Variants in DPH6 observed in about 807,000 individuals in gnomAD.
DPH6 encodes the protein diphthine--ammonia ligase.
Under a neutral mutation model 38.2 loss-of-function variants are expected in DPH6, and 33 were observed. The ratio of observed to expected loss-of-function variants is 0.86; its 90% confidence interval spans 0.65 to 1.15. The LOEUF is 1.15. Ranked by LOEUF, DPH6 falls within the 50% of genes most tolerant of loss-of-function variation. The pLI is 0.00. For synonymous variants in DPH6, 108 were observed against 103.0 expected, an observed-to-expected ratio of 1.05 and a Z score of -0.30; for missense variants, 325 against 320.0, an observed-to-expected ratio of 1.02 and a Z score of -0.12.
At chr15:35,484,477 T>A (rs1017807338) in intron 3 of DPH6, among the ~76,000 whole-genome samples, 9 of 152,206 alleles carry the variant, frequency 5.9e-5, no homozygotes, top group African/African-American at 2.2e-4. Context: ...GTCATTTATA[T>A]GGCCGTTGGC....
At chr15:35,385,868 T>A (rs963032774) in intron 6 of DPH6, among the ~76,000 whole-genome samples, 2 of 152,206 alleles carry the variant, frequency 1.3e-5, no homozygotes, top group Admixed American at 6.5e-5. Flanking sequence ...TATTATACTT[T>A]AAGTTTTAGG....
chr15:35,419,268 T>G (rs1201505703), intron 5 of DPH6, among the ~76,000 whole-genome samples: 1 of 152,106 alleles, frequency 6.6e-6, no homozygotes, highest in Non-Finnish European at 1.5e-5. Flanking sequence ...GACAGAATTT[T>G]TATTTAAAAG....
chr15:35,162,364 T>C, the DPH6 span, among the ~76,000 whole-genome samples: 53,365 of 151,806 alleles, frequency 0.35, 10,969 homozygotes, highest in East Asian at 0.62. Context: ...CTCCATCATC[T>C]GGCCACTGTT....
chr15:35,375,141 T>A (rs2052763385), intron 7 of DPH6, among the ~76,000 whole-genome samples: 1 of 151,956 alleles, frequency 6.6e-6, no homozygotes. Flanking sequence ...ACTAATACTA[T>A]CTCAGTAGAA....
intron 3 of DPH6, among the ~76,000 whole-genome samples, chr15:35,464,485 A>G (rs997700691): frequency 1.3e-5 from 2 of 152,222 alleles, no homozygotes; most frequent in Admixed American, 6.5e-5. Context: ...TTCATAGCAG[A>G]TAACAGCTCC....
At chr15:35,275,245 T>C (rs1054759033) in intron 3 of DPH6, among the ~76,000 whole-genome samples, 1 of 152,142 alleles carries the variant, frequency 6.6e-6, no homozygotes, top group Admixed American at 6.6e-5. Context: ...TAAAGACACA[T>C]GCACATGTAT....
At chr15:35,420,575 G>T (rs2053492485) in intron 5 of DPH6, among the ~76,000 whole-genome samples, 1 of 152,112 alleles carries the variant, frequency 6.6e-6, no homozygotes, top group South Asian at 2.1e-4. Flanking sequence ...GGAGTGCAGT[G>T]GCACGACCTC....
chr15:35,543,290 A>ATATG (rs2055293661), intron 1 of DPH6, among the ~76,000 whole-genome samples: 2 of 70,258 alleles, frequency 2.8e-5, no homozygotes, highest in Non-Finnish European at 6.7e-5. Flanking sequence ...ATATATATAT[A>ATATG]TATATATATA....
chr15:35,488,278 C>A (rs2054431396), intron 3 of DPH6, among the ~76,000 whole-genome samples: 1 of 152,232 alleles, frequency 6.6e-6, no homozygotes, highest in Admixed American at 6.5e-5. Flanking sequence ...GCTACTTCCA[C>A]ATTTTCAGTT....
chr15:35,489,899 T>C (rs751974507), intron 3 of DPH6: 13 of 963,874 alleles, frequency 1.3e-5, no homozygotes, highest in Non-Finnish European at 1.6e-5. Context: ...TTTTCTGTAC[T>C]AAAAATCTAT....
At chr15:35,491,863 T>C (rs895707844) in intron 3 of DPH6, among the ~76,000 whole-genome samples, 10 of 151,228 alleles carry the variant, frequency 6.6e-5, no homozygotes, top group Non-Finnish European at 8.8e-5. Context: ...TATATGTATA[T>C]GTGTGTGTAT....
the DPH6 span, among the ~76,000 whole-genome samples, chr15:35,194,509 T>C: frequency 1.3e-5 from 2 of 152,150 alleles, no homozygotes; most frequent in Non-Finnish European, 2.9e-5. Context: ...GAGCACACAA[T>C]AGCTCTACAG....
intron 3 of DPH6, among the ~76,000 whole-genome samples, chr15:35,285,683 G>A (rs141592110): frequency 9.9e-5 from 15 of 152,042 alleles, no homozygotes; most frequent in African/African-American, 3.6e-4. Flanking sequence ...TGAAAATTAA[G>A]TAATTACTTA....
intron 5 of DPH6, 95 bp downstream of exon 5, chr15:35,450,590 T>C: frequency 1.0e-6 from 1 of 1,000,876 alleles, no homozygotes; most frequent in Middle Eastern, 2.2e-4. Context: ...TTTTATATTC[T>C]AAATCAGTTT....
intron 6 of DPH6, among the ~76,000 whole-genome samples, chr15:35,385,910 T>C (rs2052947476): frequency 6.6e-6 from 1 of 152,224 alleles, no homozygotes. Flanking sequence ...GTTTGTTACA[T>C]ATGTATACAT....
chr15:35,429,156 A>G (rs1315384336), intron 5 of DPH6, among the ~76,000 whole-genome samples: 1 of 152,116 alleles, frequency 6.6e-6, no homozygotes, highest in African/African-American at 2.4e-5. Context: ...TTCCACATTA[A>G]CTCTGTTAAT....
chr15:35,196,801 C>T, the DPH6 span, among the ~76,000 whole-genome samples: 1 of 152,116 alleles, frequency 6.6e-6, no homozygotes, highest in Non-Finnish European at 1.5e-5. Context: ...TTTATAACTC[C>T]AAGCAACCAA....
rs184006640 is a variant in DPH6, at chr15:35,303,567, A to G, written n.200+69954T>C. Among the ~76,000 whole-genome samples, 99 of 151,916 alleles carry G rather than the reference A, an allele frequency of 6.5e-4. No individual in the cohort carries two copies. The East Asian group carries it at 0.018, about 27-fold the overall frequency. On this transcript the variant is annotated intron_variant and non_coding_transcript_variant, in intron 3 of 3. Coordinates refer to the DPH6 transcript ENST00000560386. ...GCTAGATCTCCTGATTCCAAATCCT[A>G]TGCATTTTTCAGTATAAGTATACTG...
chr15:35,336,333 A>C (rs976181432), intron 3 of DPH6, among the ~76,000 whole-genome samples: 2 of 146,464 alleles, frequency 1.4e-5, no homozygotes, highest in Admixed American at 6.9e-5. Flanking sequence ...TGGTCTTGTC[A>C]CATAGTCCCA....
Sources: gnomAD v4.1 joint callset for allele counts (sites outside exome capture counted in the v4.1 genomes callset) on GRCh38, gnomAD v4.1.1 for gene constraint, MANE v1.5 for transcripts, NCBI Gene and HGNC (gene_info 2026-07-23, HGNC 2026-07-21) for gene names.